ZNF407: variants seen among roughly 807,000 people sequenced by gnomAD.
ZNF407 encodes zinc finger protein 407.
ZNF407 carries 17 observed loss-of-function variants against 131.2 expected under a neutral mutation model. That is an observed-to-expected ratio of 0.13 (90% confidence interval 0.09 to 0.19). The LOEUF is 0.19. Ranked by LOEUF, ZNF407 falls within the 10% of genes least tolerant of loss-of-function variation. The probability of loss-of-function intolerance (pLI) is 1.00; values close to 1 mark genes in which losing one functional copy is unlikely to be tolerated. For missense variants in ZNF407, 2,681 were observed against 2,830.6 expected (o/e 0.95, Z 1.20); for synonymous variants, 1,156 against 1,062.0 (o/e 1.09, Z -1.72).
intron 4 of ZNF407, among the ~76,000 whole-genome samples, chr18:74,872,344 C>T (rs1481514243): frequency 3.3e-5 from 5 of 151,966 alleles, no homozygotes; most frequent in African/African-American, 1.2e-4. Flanking sequence ...TTTTTAAAAA[C>T]CCATACTAAT....
At chr18:74,675,248 C>T (rs978192518) in intron 3 of ZNF407, among the ~76,000 whole-genome samples, 3 of 152,140 alleles carry the variant, frequency 2.0e-5, no homozygotes, top group African/African-American at 7.2e-5. Flanking sequence ...CTTGACCAGC[C>T]ACTCATCACT....
At chr18:74,775,580 C>A (rs78672487) in intron 3 of ZNF407, among the ~76,000 whole-genome samples, 2 of 152,194 alleles carry the variant, frequency 1.3e-5, no homozygotes, top group East Asian at 1.9e-4. Context: ...AAGTTTGAAA[C>A]CAGTCCTCAT....
intron 8 of ZNF407, among the ~76,000 whole-genome samples, chr18:74,997,451 G>A (rs1037644451): frequency 3.3e-5 from 5 of 152,134 alleles, no homozygotes; most frequent in South Asian, 4.2e-4. Flanking sequence ...CATCGCAGAC[G>A]TAAAATACAG....
rs745318298 is a variant in ZNF407 at position 74,710,180 on chromosome 18, T to G, written c.4802+69058T>G. On this transcript the variant is annotated intron_variant, in intron 3 of 8. Coordinates refer to ENST00000299687, the MANE Select transcript of ZNF407 (RefSeq NM_017757.3). ...AAACAATATTTAAGTTTTCATGATT[T>G]TTGCACATTACCTCTGTTATATTTA... Among the ~76,000 whole-genome samples the G allele has an allele frequency of 2.4e-4, 36 of 152,192 alleles. 1 individual carries two copies. The highest frequency in any genetic ancestry group is 4.1e-4 in the Non-Finnish European group (28 of 68,030).
At chr18:74,973,828 C>T (rs1972499344) in intron 8 of ZNF407, among the ~76,000 whole-genome samples, 1 of 152,156 alleles carries the variant, frequency 6.6e-6, no homozygotes, top group African/African-American at 2.4e-5. Context: ...CTTCACATGG[C>T]ATTCTTTGTG....
At chr18:74,606,125 G>A (rs1982796027) in intron 1 of ZNF407, among the ~76,000 whole-genome samples, 1 of 152,186 alleles carries the variant, frequency 6.6e-6, no homozygotes, top group African/African-American at 2.4e-5. Context: ...AGCTTTTCCA[G>A]AAAATAAATG....
intron 3 of ZNF407, among the ~76,000 whole-genome samples, chr18:74,701,020 T>C (rs1599080595): frequency 1.3e-5 from 2 of 151,952 alleles, no homozygotes; most frequent in Non-Finnish European, 2.9e-5. Flanking sequence ...ATCTTAAGGG[T>C]GGGGTCCTCA....
At chr18:74,736,736 A>G (rs898567075) in intron 3 of ZNF407, among the ~76,000 whole-genome samples, 2 of 152,194 alleles carry the variant, frequency 1.3e-5, no homozygotes, top group African/African-American at 2.4e-5. Flanking sequence ...TAGAAATAAA[A>G]ACGAGAATAA....
At chr18:75,017,548 T>G (rs1431413937) in intron 8 of ZNF407, among the ~76,000 whole-genome samples, 2 of 152,140 alleles carry the variant, frequency 1.3e-5, no homozygotes, top group Non-Finnish European at 2.9e-5. Flanking sequence ...ATGCCATTCC[T>G]CAAGGTGATT....
chr18:75,051,138 G>A (rs561061298), intron 8 of ZNF407, among the ~76,000 whole-genome samples: 4 of 152,174 alleles, frequency 2.6e-5, no homozygotes, highest in South Asian at 4.2e-4. Flanking sequence ...AAGTATGTAC[G>A]ACAGGCTGTG....
intron 8 of ZNF407, among the ~76,000 whole-genome samples, chr18:75,051,203 A>T (rs559068835): frequency 1.5e-4 from 23 of 152,194 alleles, no homozygotes; most frequent in Non-Finnish European, 2.9e-5. Flanking sequence ...TTAAATAAAT[A>T]TATAATTAAG....
At chr18:74,664,839 T>C (rs533982704) in intron 3 of ZNF407, among the ~76,000 whole-genome samples, 2 of 152,314 alleles carry the variant, frequency 1.3e-5, no homozygotes, top group East Asian at 1.9e-4. Context: ...GCAGTAGGAA[T>C]AGACAAGATC....
chr18:74,630,883 T>C, intron 1 of ZNF407, 84 bp from the exon 2 acceptor site: 3 of 1,092,286 alleles, frequency 2.7e-6, no homozygotes, highest in South Asian at 3.6e-5. Context: ...TGGGGCTAAC[T>C]TCATGATACT....
intron 8 of ZNF407, among the ~76,000 whole-genome samples, chr18:74,962,157 A>C (rs929265077): frequency 6.6e-6 from 1 of 152,142 alleles, no homozygotes; most frequent in Non-Finnish European, 1.5e-5. Flanking sequence ...GCTCATCACT[A>C]TCTGTATCCT....
intron 3 of ZNF407, among the ~76,000 whole-genome samples, chr18:74,732,053 A>G (rs1968306522): frequency 6.6e-6 from 1 of 152,194 alleles, no homozygotes; most frequent in Non-Finnish European, 1.5e-5. Context: ...TAACCTAGGT[A>G]GGTTTTCAGT....
intron 8 of ZNF407, among the ~76,000 whole-genome samples, chr18:74,939,707 T>G (rs966385983): frequency 3.9e-5 from 6 of 152,252 alleles, no homozygotes; most frequent in African/African-American, 1.4e-4. Context: ...TGCAAGCTTT[T>G]CTATATCATC....
chr18:74,852,601 C>T (rs190823452), intron 4 of ZNF407, among the ~76,000 whole-genome samples: 53 of 152,178 alleles, frequency 3.5e-4, no homozygotes, highest in Admixed American at 3.1e-3. Context: ...GTAATAATAG[C>T]TACACATTAA....
intron 4 of ZNF407, among the ~76,000 whole-genome samples, chr18:74,809,792 A>G (rs779010608): frequency 1.3e-5 from 2 of 152,190 alleles, no homozygotes; most frequent in Non-Finnish European, 2.9e-5. Context: ...TCTAAGCTGG[A>G]AGGTCGTAGC....
chr18:74,718,884 CT>C (rs1967959048), intron 3 of ZNF407, among the ~76,000 whole-genome samples: 1 of 152,034 alleles, frequency 6.6e-6, no homozygotes, highest in African/African-American at 2.4e-5. Flanking sequence ...CTTTAATTTG[CT>C]GTTCCATTTT....
Sources: allele counts gnomAD v4.1 joint callset (sites outside exome capture counted in the v4.1 genomes callset), GRCh38; gene constraint gnomAD v4.1.1; transcripts MANE v1.5; gene names NCBI Gene and HGNC (gene_info 2026-07-23, HGNC 2026-07-21).